The following RARB variants were observed in gnomAD, a reference collection of about 807,000 sequenced individuals.
RARB encodes retinoic acid receptor beta.
In RARB, 17 loss-of-function variants were observed where a neutral mutation model predicts 51.9. The ratio of observed to expected loss-of-function variants is 0.33; its 90% confidence interval spans 0.22 to 0.49. RARB has a LOEUF of 0.49. Among genes scored for constraint, RARB ranks in the 20% least tolerant of loss-of-function variants. The pLI is 0.99. For missense variants in RARB, 369 were observed against 550.8 expected, an observed-to-expected ratio of 0.67 and a Z score of 3.30; for synonymous variants, 215 against 195.4, an observed-to-expected ratio of 1.10 and a Z score of -0.84.
rs371113375 is a variant in RARB, at chr3:25,563,782, A to C, written c.449-5976A>C. On this transcript the variant is annotated intron_variant, in intron 3 of 7. Transcript: ENST00000330688. ...TCATGACAACCCCATAGTTCTAATC[A>C]CCAACTGTAACTCATTATTCTTGCA... is the stretch of plus-strand genomic sequence containing the variant. Among the ~76,000 whole-genome samples, 31 of 152,338 alleles carry C rather than the reference A, an allele frequency of 2.0e-4. 1 individual carries two copies. Among genetic ancestry groups the C allele is most frequent in the African/African-American group, 7.5e-4 (31 of 41,570 alleles).
intron 2 of RARB, among the ~76,000 whole-genome samples, chr3:25,021,055 A>G (rs1170866839): frequency 2.0e-5 from 3 of 152,260 alleles, no homozygotes; most frequent in Admixed American, 6.5e-5. Flanking sequence ...TAATGAAAGT[A>G]AAATGATGTA....
At chr3:25,358,180 T>C (rs1217983717) in intron 5 of RARB, among the ~76,000 whole-genome samples, 2 of 152,224 alleles carry the variant, frequency 1.3e-5, no homozygotes, top group Admixed American at 6.5e-5. Context: ...TAGTTCTCCT[T>C]GAAGAGGTCC....
Position 25,327,729 on chromosome 3 carries a change from A to C in RARB, c.179-133464A>C, listed in dbSNP as rs541057514. ...TGTAAAGCAATAATGAGATGATGAG[A>C]AACGGTAAAGTCTCACATGACAGCT... On this transcript the variant is annotated intron_variant, in intron 5 of 11. Coordinates refer to the RARB transcript ENST00000383772. 5.9e-5 allele frequency among the ~76,000 whole-genome samples: 9 copies of C among 152,312 alleles called. No individual in the cohort carries two copies. In the South Asian group the frequency reaches 1.4e-3, roughly 25 times the overall value.
chr3:24,947,888 A>G (rs546808514), intron 2 of RARB, among the ~76,000 whole-genome samples: 107 of 152,022 alleles, frequency 7.0e-4, no homozygotes, highest in Non-Finnish European at 1.1e-3. Context: ...TATGTACCTC[A>G]GTAAGGTAGT....
intron 4 of RARB, among the ~76,000 whole-genome samples, chr3:25,579,801 C>T (rs1328870363): frequency 1.3e-5 from 2 of 152,182 alleles, no homozygotes; most frequent in Non-Finnish European, 2.9e-5. Context: ...CTGAGGTTAT[C>T]TAGAGTCTCA....
At chr3:25,303,969 GA>G (rs1470181787) in intron 5 of RARB, among the ~76,000 whole-genome samples, 1 of 152,096 alleles carries the variant, frequency 6.6e-6, no homozygotes, top group African/African-American at 2.4e-5. Flanking sequence ...TGCCTGCTAT[GA>G]AAAAGAACAC....
intron 5 of RARB, among the ~76,000 whole-genome samples, chr3:25,189,815 G>A (rs1442789646): frequency 2.0e-5 from 3 of 152,126 alleles, no homozygotes; most frequent in Non-Finnish European, 4.4e-5. Context: ...AACCCGGGAA[G>A]TAGAGTTTGC....
At chr3:25,040,928 T>C (rs1376556472) in intron 2 of RARB, among the ~76,000 whole-genome samples, 1 of 152,218 alleles carries the variant, frequency 6.6e-6, no homozygotes, top group Admixed American at 6.5e-5. Context: ...AGCTCATTGC[T>C]GGAATGTGAA....
chr3:25,441,265 C>T, intron 1 of RARB: 2 of 413,178 alleles, frequency 4.8e-6, no homozygotes, highest in Non-Finnish European at 9.4e-6. Context: ...TCCTGCAAAG[C>T]ACCAGTAGCT....
intron 1 of RARB, among the ~76,000 whole-genome samples, chr3:24,831,873 A>G (rs6796944): frequency 0.89 from 135,553 of 152,214 alleles, 60,387 homozygotes; most frequent in South Asian, 0.92. Context: ...AGAGCTACAC[A>G]TTGTGTGATG....
chr3:25,236,480 G>A (rs568605579), intron 5 of RARB, among the ~76,000 whole-genome samples: 32 of 152,078 alleles, frequency 2.1e-4, no homozygotes, highest in Non-Finnish European at 4.0e-4. Flanking sequence ...TGAAACAAAA[G>A]CCATGAACAA....
At chr3:25,274,988 G>C (rs887032708) in intron 5 of RARB, among the ~76,000 whole-genome samples, 1 of 152,150 alleles carries the variant, frequency 6.6e-6, no homozygotes, top group Non-Finnish European at 1.5e-5. Context: ...GCTATGTAAG[G>C]ATACTTAGCT....
chr3:25,204,945 T>C (rs1263878151), intron 5 of RARB, among the ~76,000 whole-genome samples: 1 of 152,162 alleles, frequency 6.6e-6, no homozygotes. Context: ...ACTACTCTCT[T>C]CAAAGCTGTC....
rs190836285 is a variant in RARB, at chr3:25,308,906, A to G, written c.178+134331A>G. Among the ~76,000 whole-genome samples, 81 of 152,246 alleles carry G rather than the reference A, an allele frequency of 5.3e-4. 2 individuals are homozygous for G. The highest frequency in any genetic ancestry group is 3.9e-4 in the East Asian group (2 of 5,176). ...TGATATCCCAGATGTGGTTCTACCA[A>G]TGTGGAGTTAGGCAGAATTATCACC... On this transcript the variant is annotated intron_variant, in intron 5 of 11. Coordinates refer to the RARB transcript ENST00000383772.
intron 3 of RARB, among the ~76,000 whole-genome samples, chr3:25,064,440 T>C (rs968885931): frequency 1.3e-5 from 2 of 152,176 alleles, no homozygotes; most frequent in African/African-American, 4.8e-5. Context: ...TTTTTAAATG[T>C]CTTTTTCACA....
At chr3:24,916,784 AAAC>A (rs1695116372) in intron 2 of RARB, among the ~76,000 whole-genome samples, 1 of 151,820 alleles carries the variant, frequency 6.6e-6, no homozygotes, top group African/African-American at 2.4e-5. Context: ...AAAAAAAAAA[AAAC>A]CTTGTACAAG....
chr3:25,213,440 T>C (rs1363102093), intron 5 of RARB, among the ~76,000 whole-genome samples: 2 of 152,212 alleles, frequency 1.3e-5, no homozygotes, highest in Non-Finnish European at 1.5e-5. Context: ...TGTATGAATA[T>C]ACCACATCTC....
At position 25,239,804 on chromosome 3, in the gene RARB, A is replaced by T. The variant is rs964345888; in HGVS notation, c.178+65229A>T. ...TTCAGGCTCTTTTTTGGTTCCATAC[A>T]AATTTTTTCTATTTCTGTGAAAAAT... On this transcript the variant is annotated intron_variant, in intron 5 of 11. Transcript: ENST00000383772. Among the ~76,000 whole-genome samples, 22 of 152,026 alleles carry T rather than the reference A, an allele frequency of 1.4e-4. 1 individual carries two copies. The highest frequency in any genetic ancestry group is 4.1e-4 in the African/African-American group (17 of 41,532).
intron 5 of RARB, among the ~76,000 whole-genome samples, chr3:25,215,113 C>G (rs1045028162): frequency 1.3e-5 from 2 of 152,288 alleles, no homozygotes; most frequent in Admixed American, 6.5e-5. Flanking sequence ...TTAATCCCAA[C>G]TGTACACGGA....
Sources: gnomAD v4.1 joint callset for allele counts (sites outside exome capture counted in the v4.1 genomes callset) on GRCh38, gnomAD v4.1.1 for gene constraint, MANE v1.5 for transcripts, NCBI Gene and HGNC (gene_info 2026-07-23, HGNC 2026-07-21) for gene names.